Variants in DGKH observed in about 807,000 individuals in gnomAD.
DGKH encodes the protein DAG kinase eta.
Under a neutral mutation model 159.3 loss-of-function variants are expected in DGKH, and 90 were observed. The ratio of observed to expected loss-of-function variants is 0.57; its 90% CI spans 0.48 to 0.67. The LOEUF is 0.67. Ranked by LOEUF, DGKH falls within the 30% of genes least tolerant of loss-of-function variation. The probability of loss-of-function intolerance (pLI) is 0.00; values close to 1 mark genes in which losing one functional copy is unlikely to be tolerated. For synonymous variants in DGKH, 536 were observed against 553.8 expected, an observed-to-expected ratio of 0.97 and a Z score of 0.45; for missense variants, 1,181 against 1,506.1, an observed-to-expected ratio of 0.78 and a Z score of 3.57.
intron 29 of DGKH, chr13:42,225,462 G>A (rs747738433): frequency 4.6e-6 from 4 of 869,704 alleles, no homozygotes; most frequent in Non-Finnish European, 6.7e-6. Context: ...TTTATCCAGG[G>A]AAAGAGAAAG....
rs541214024 is a variant in DGKH, at chr13:42,082,264, T to C, written c.192+33299T>C. ...CAGTCTCACCTAATGGCTTTTGGGT[T>C]GAGTTATTAAAGAAGGGAAAACATC... On this transcript the variant is annotated intron_variant, in intron 1 of 29. Coordinates refer to ENST00000337343, the MANE Select transcript of DGKH (RefSeq NM_178009.5). Among the ~76,000 whole-genome samples, 4 of 152,150 alleles carry C rather than the reference T, an allele frequency of 2.6e-5. No homozygotes were observed. The East Asian group carries it at 7.7e-4, about 29-fold the overall frequency.
chr13:42,142,931 G>A (rs35234565), intron 3 of DGKH, among the ~76,000 whole-genome samples: 18,914 of 152,000 alleles, frequency 0.12, 1,638 homozygotes, highest in East Asian at 0.42. Flanking sequence ...TTCCAACACT[G>A]TGTTGAATAG....
chr13:42,127,681 T>C, intron 2 of DGKH, 108 bp downstream of exon 2: 1 of 765,214 alleles, frequency 1.3e-6, no homozygotes, highest in African/African-American at 1.7e-5. Flanking sequence ...CATTATGCTC[T>C]TATATGAATT....
At chr13:42,101,896 A>G (rs554957049) in intron 1 of DGKH, among the ~76,000 whole-genome samples, 1 of 152,278 alleles carries the variant, frequency 6.6e-6, no homozygotes, top group East Asian at 1.9e-4. Context: ...AGGAAGAGGT[A>G]GGCATATTGG....
At chr13:42,041,700 CA>C (rs1289067506) in intron 1 of DGKH, among the ~76,000 whole-genome samples, 9 of 152,160 alleles carry the variant, frequency 5.9e-5, no homozygotes, top group Admixed American at 5.9e-4. Context: ...ATCCCCCTCT[CA>C]CTCAGAGCTC....
In DGKH at chr13:42,255,797, TG is replaced by T. The variant is rs564613024; in HGVS notation, n.4128-484del. 1,144 of 522,784 alleles carry T rather than the reference TG, an allele frequency of 2.2e-3. 19 individuals are homozygous for T. Among genetic ancestry groups the T allele is most frequent in the Non-Finnish European group, 3.0e-4 (89 of 301,048 alleles). The allele number at this position is 522,784 out of a possible 1,614,324, so 32.4% of individuals were successfully genotyped here. A position where few individuals can be genotyped will look rare whatever the true frequency, so the allele number is the denominator to read the frequency against. On this transcript the variant is annotated intron_variant and non_coding_transcript_variant, in intron 30 of 30. Coordinates refer to the DGKH transcript ENST00000498255. Reference sequence around the variant, plus strand: ...TATAAGGGAATATTTTCTCTGTCATTGGGTTAGGGAAAGATTATTTTAAGTA... The same window carrying T: ...TATAAGGGAATATTTTCTCTGTCATTGGTTAGGGAAAGATTATTTTAAGTA...
chr13:42,083,991 T>C (rs959025679), intron 1 of DGKH, among the ~76,000 whole-genome samples: 2 of 152,098 alleles, frequency 1.3e-5, no homozygotes, highest in African/African-American at 4.8e-5. Flanking sequence ...CGACCAAAAG[T>C]GACCTTTTAC....
chr13:42,196,978 G>A (rs1288056519), intron 17 of DGKH, among the ~76,000 whole-genome samples: 1 of 152,140 alleles, frequency 6.6e-6, no homozygotes, highest in Non-Finnish European at 1.5e-5. Flanking sequence ...ACATGGCTGG[G>A]CGTGGTGGCT....
chr13:42,171,562 A>G (rs1241504608), intron 11 of DGKH, among the ~76,000 whole-genome samples: 1 of 152,222 alleles, frequency 6.6e-6, no homozygotes, highest in African/African-American at 2.4e-5. Flanking sequence ...TTTACCATTT[A>G]TTTAACTGTC....
chr13:42,170,965 C>A (rs963526056), intron 11 of DGKH, among the ~76,000 whole-genome samples: 2 of 149,772 alleles, frequency 1.3e-5, no homozygotes, highest in Non-Finnish European at 3.0e-5. Context: ...AAAAATACAC[C>A]AGTTAAAAAG....
chr13:42,122,367 C>T (rs1331746380), intron 1 of DGKH, among the ~76,000 whole-genome samples: 1 of 152,154 alleles, frequency 6.6e-6, no homozygotes, highest in East Asian at 1.9e-4. Flanking sequence ...CATAGCTGGG[C>T]ATCTGGTGAG....
chr13:42,048,726 C>T lies in DGKH; in HGVS notation c.-48C>T. 2.4e-6 allele frequency: 3 copies of T among 1,242,114 alleles called. No individual in the cohort carries two copies. Among genetic ancestry groups the T allele is most frequent in the Non-Finnish European group, 2.0e-6 (2 of 987,034 alleles). 76.9% of individuals were successfully genotyped at this position (1,242,114 alleles called of 1,614,324 possible). On this transcript the variant is annotated 5_prime_UTR_variant, in exon 1 of 30. Coordinates refer to ENST00000337343, the MANE Select transcript of DGKH (RefSeq NM_178009.5). The surrounding 1 kb of genome is among the most constrained non-coding windows in gnomAD (Gnocchi z 6.7). The stretch of plus-strand genomic sequence containing the variant: ...GGCAGAGCCCACCCGCTGACCAACG[C>T]CGCCGCCCCCGCCGGGCGGTGCTGT...
intron 14 of DGKH, among the ~76,000 whole-genome samples, chr13:42,187,627 C>T (rs1221487537): frequency 6.6e-6 from 1 of 152,180 alleles, no homozygotes; most frequent in Non-Finnish European, 1.5e-5. Flanking sequence ...CCGTCCACCT[C>T]AGCCTCCCAA....
intron 3 of DGKH, among the ~76,000 whole-genome samples, chr13:42,141,236 C>A (rs1484958501): frequency 1.3e-5 from 2 of 151,650 alleles, no homozygotes; most frequent in East Asian, 3.9e-4. Context: ...ATGAACTCAT[C>A]ATTTTTTATG....
chr13:42,241,295 AGTCT>A lies in DGKH; in HGVS notation c.*12110_*12113del, dbSNP rs1425551936. 1 of 152,150 alleles carries A rather than the reference AGTCT, an allele frequency of 6.6e-6. No homozygotes were observed. The allele number at this position is 152,150 out of a possible 1,614,324, so 9.4% of individuals were successfully genotyped here. On this transcript the variant is annotated 3_prime_UTR_variant, in exon 30 of 30. Transcript: ENST00000337343. ...TTTGTTTTCACAGTTATTTTTCCACAGTCTGTTTAAGGTATTAGGAGGACTTTTA... is the reference window on the plus strand; with the variant it reads ...TTTGTTTTCACAGTTATTTTTCCACAGTTTAAGGTATTAGGAGGACTTTTA...
intron 18 of DGKH, among the ~76,000 whole-genome samples, chr13:42,199,137 T>A (rs1172322603): frequency 6.6e-6 from 1 of 152,188 alleles, no homozygotes; most frequent in Non-Finnish European, 1.5e-5. Context: ...ATGGATTGGA[T>A]CTAGTACTTT....
chr13:42,130,409 C>T (rs1353188830), intron 3 of DGKH, among the ~76,000 whole-genome samples: 1 of 152,172 alleles, frequency 6.6e-6, no homozygotes, highest in Non-Finnish European at 1.5e-5. Flanking sequence ...ATTGAGTTCC[C>T]ACCATGTGTT....
At chr13:42,151,518 T>C (rs962956298) in intron 3 of DGKH, among the ~76,000 whole-genome samples, 2,663 of 115,702 alleles carry the variant, frequency 0.023, 74 homozygotes, top group East Asian at 0.1. Context: ...TACACATGTA[T>C]ATATATACAC....
intron 29 of DGKH, among the ~76,000 whole-genome samples, chr13:42,248,829 T>C (rs1958600351): frequency 1.3e-5 from 2 of 151,922 alleles, no homozygotes; most frequent in African/African-American, 4.8e-5. Context: ...CTATATCATA[T>C]AGCTTAGGTG....
Sources: gnomAD v4.1 joint callset for allele counts (sites outside exome capture counted in the v4.1 genomes callset) on GRCh38, gnomAD v4.1.1 for gene constraint, Gnocchi (gnomAD v3.1) non-coding constraint, MANE v1.5 for transcripts, NCBI Gene and HGNC (gene_info 2026-07-23, HGNC 2026-07-21) for gene names.